Variants in ASTN2 observed in about 807,000 individuals in gnomAD.
ASTN2 encodes the protein astrotactin 2.
ASTN2 carries 54 observed loss-of-function variants against 139.8 expected under a neutral mutation model. The ratio of observed to expected loss-of-function variants is 0.39; its 90% confidence interval spans 0.31 to 0.48. The LOEUF is 0.48. ASTN2 is among the 20% of genes least tolerant of loss of function. The pLI is 0.95. For missense variants in ASTN2, 1,565 were observed against 1,725.1 expected (o/e 0.91, Z 1.64); for synonymous variants, 756 against 719.5 (o/e 1.05, Z -0.81).
chr9:116,675,694 G>A (rs1022401253), intron 16 of ASTN2, among the ~76,000 whole-genome samples: 7 of 152,130 alleles, frequency 4.6e-5, no homozygotes, highest in Admixed American at 4.6e-4. Context: ...AGAAGGAATT[G>A]CTGCTGGAAG....
rs1588362472 is a variant in ASTN2, at chr9:116,861,581, T to C, written c.2040+2002A>G. Among the ~76,000 whole-genome samples the C allele has an allele frequency of 2.0e-5, 3 of 152,322 alleles. No homozygotes were observed. In the East Asian group the frequency reaches 5.8e-4, roughly 29 times the overall value. ...TCAATCTAGCATCTACAACTCCTGT[T>C]GCCAGCACCCCAGTTTTTCTTGAGA... On this transcript the variant is annotated intron_variant, in intron 11 of 22. Coordinates refer to ENST00000313400, the MANE Select transcript of ASTN2 (RefSeq NM_001365068.1).
intron 17 of ASTN2, among the ~76,000 whole-genome samples, chr9:116,624,098 G>A (rs1187998377): frequency 1.3e-5 from 2 of 152,100 alleles, no homozygotes; most frequent in East Asian, 1.9e-4. Context: ...ACTTGTAAAC[G>A]CTTCCAACTT....
chr9:117,029,937 C>T (rs1262510578), intron 6 of ASTN2, among the ~76,000 whole-genome samples: 1 of 152,010 alleles, frequency 6.6e-6, no homozygotes, highest in East Asian at 1.9e-4. Context: ...ATCATAACTA[C>T]CCTCACAGTT....
chr9:117,102,128 C>T (rs1008458366), intron 4 of ASTN2, among the ~76,000 whole-genome samples: 11 of 152,106 alleles, frequency 7.2e-5, no homozygotes, highest in Admixed American at 2.0e-4. Context: ...AGGGTACAAA[C>T]GACCCAAATG....
chr9:117,373,063 G>A (rs948501507), intron 1 of ASTN2, among the ~76,000 whole-genome samples: 30 of 152,108 alleles, frequency 2.0e-4, no homozygotes, highest in African/African-American at 7.2e-4. Context: ...ATGGGGCAAG[G>A]TTCATTGCTG....
intron 13 of ASTN2, among the ~76,000 whole-genome samples, chr9:116,782,243 T>C (rs1830238869): frequency 1.3e-5 from 2 of 151,934 alleles, no homozygotes; most frequent in African/African-American, 2.4e-5. Flanking sequence ...AAAGCAAGAG[T>C]TGTAGAAGAA....
chr9:117,107,337 A>G (rs1052363700), intron 4 of ASTN2, among the ~76,000 whole-genome samples: 1 of 152,190 alleles, frequency 6.6e-6, no homozygotes, highest in African/African-American at 2.4e-5. Context: ...TGAAAGAGAA[A>G]TTGATGGGTC....
intron 1 of ASTN2, among the ~76,000 whole-genome samples, chr9:117,371,790 G>A (rs916647663): frequency 2.6e-5 from 4 of 152,068 alleles, no homozygotes; most frequent in African/African-American, 7.2e-5. Flanking sequence ...CTAAATTAAG[G>A]AGGCTCCTGT....
At chr9:117,103,761 G>C (rs191530717) in intron 4 of ASTN2, among the ~76,000 whole-genome samples, 139 of 152,190 alleles carry the variant, frequency 9.1e-4, no homozygotes, top group Non-Finnish European at 1.0e-3. Flanking sequence ...AGAAATATGT[G>C]GTTCAGGAAT....
chr9:116,616,980 G>A (rs900495706), intron 19 of ASTN2, among the ~76,000 whole-genome samples: 1 of 152,122 alleles, frequency 6.6e-6, no homozygotes, highest in Non-Finnish European at 1.5e-5. Context: ...AATTAACAAA[G>A]TTTGAAAGAT....
intron 4 of ASTN2, among the ~76,000 whole-genome samples, chr9:117,098,435 A>T (rs115715835): frequency 0.02 from 2,988 of 152,274 alleles, 89 homozygotes; most frequent in African/African-American, 0.065. Flanking sequence ...AAAGATTAAT[A>T]TCTGCCTCCC....
intron 19 of ASTN2, among the ~76,000 whole-genome samples, chr9:116,510,657 T>C (rs2119184003): frequency 6.6e-6 from 1 of 152,314 alleles, no homozygotes; most frequent in Non-Finnish European, 1.5e-5. Flanking sequence ...TTCCATTTGT[T>C]TGTAACCTCT....
chr9:117,355,108 G>C (rs962367222), intron 1 of ASTN2, among the ~76,000 whole-genome samples: 1 of 151,798 alleles, frequency 6.6e-6, no homozygotes, highest in Non-Finnish European at 1.5e-5. Flanking sequence ...CAGGGGTCAG[G>C]GTGGGTGCTT....
intron 13 of ASTN2, among the ~76,000 whole-genome samples, chr9:116,738,747 A>C (rs1829013243): frequency 6.6e-6 from 1 of 152,230 alleles, no homozygotes; most frequent in Non-Finnish European, 1.5e-5. Flanking sequence ...ACTGAGGTCC[A>C]TGGTTTGAAA....
chr9:116,774,146 T>A (rs1170639110), intron 13 of ASTN2, among the ~76,000 whole-genome samples: 1 of 152,192 alleles, frequency 6.6e-6, no homozygotes, highest in Non-Finnish European at 1.5e-5. Context: ...TCTGTATCTC[T>A]CTGGAAGGGA....
chr9:117,004,530 C>T (rs564463975), intron 7 of ASTN2, among the ~76,000 whole-genome samples: 21 of 152,248 alleles, frequency 1.4e-4, no homozygotes, highest in African/African-American at 5.1e-4. Flanking sequence ...GGCAGAGACA[C>T]AAAAGTTAAC....
chr9:116,654,707 C>A (rs932834164), intron 16 of ASTN2, among the ~76,000 whole-genome samples: 1 of 152,146 alleles, frequency 6.6e-6, no homozygotes, highest in Non-Finnish European at 1.5e-5. Flanking sequence ...TTCTAATCAC[C>A]AATTTATCAT....
At chr9:116,635,365 T>C (rs1169897304) in intron 17 of ASTN2, among the ~76,000 whole-genome samples, 4 of 152,176 alleles carry the variant, frequency 2.6e-5, no homozygotes. Context: ...AAAACCATGG[T>C]TCTCTCTATG....
At chr9:117,146,410 C>A (rs1479712954) in intron 3 of ASTN2, among the ~76,000 whole-genome samples, 1 of 149,812 alleles carries the variant, frequency 6.7e-6, no homozygotes, top group East Asian at 2.0e-4. Context: ...AGGAAGAAAG[C>A]CCTGGTCCCC....
Sources: allele counts gnomAD v4.1 joint callset (sites outside exome capture counted in the v4.1 genomes callset), GRCh38; gene constraint gnomAD v4.1.1; transcripts MANE v1.5; gene names NCBI Gene and HGNC (gene_info 2026-07-23, HGNC 2026-07-21).